RNF2: variants seen among roughly 807,000 people sequenced by gnomAD.
The protein encoded by RNF2 is ring finger protein 2.
In RNF2, 6 loss-of-function variants were observed where a neutral mutation model predicts 37.2. That is an observed-to-expected ratio of 0.16 (90% CI 0.09 to 0.32). RNF2 has a LOEUF of 0.32. RNF2 is among the 10% of genes least tolerant of loss of function. The pLI is 1.00. For missense variants in RNF2, 251 were observed against 404.0 expected (o/e 0.62, Z 3.25); for synonymous variants, 133 against 132.7 (o/e 1.00, Z -0.02).
At chr1:185,051,786 A>G (rs1650278916) in intron 1 of RNF2, among the ~76,000 whole-genome samples, 1 of 150,548 alleles carries the variant, frequency 6.6e-6, no homozygotes, top group South Asian at 2.1e-4. Context: ...ACAACTGTAT[A>G]CAAAAATACA....
chr1:185,051,551 G>C (rs1650273227), intron 1 of RNF2, among the ~76,000 whole-genome samples: 1 of 152,134 alleles, frequency 6.6e-6, no homozygotes, highest in South Asian at 2.1e-4. Flanking sequence ...GTGAGAGTGA[G>C]ATCCATTGGT....
chr1:185,091,511 T>C, intron 2 of RNF2, 68 bp from the exon 3 acceptor site: 1 of 1,477,076 alleles, frequency 6.8e-7, no homozygotes, highest in Non-Finnish European at 9.3e-7. Flanking sequence ...TCCAGTACTT[T>C]TATATGTTTG....
intron 1 of RNF2, among the ~76,000 whole-genome samples, chr1:185,054,497 C>A (rs931761751): frequency 2.3e-4 from 35 of 152,152 alleles, no homozygotes; most frequent in African/African-American, 8.2e-4. Flanking sequence ...TCTCTGGCCC[C>A]TCCGGGCCGG....
At chr1:185,099,491 T>G (rs1224526967) in intron 5 of RNF2, among the ~76,000 whole-genome samples, 2 of 152,218 alleles carry the variant, frequency 1.3e-5, no homozygotes, top group African/African-American at 4.8e-5. Context: ...TTTTTTCCCC[T>G]TAGTACTTTG....
chr1:185,054,725 A>G (rs1277338356), intron 1 of RNF2, among the ~76,000 whole-genome samples: 1 of 152,112 alleles, frequency 6.6e-6, no homozygotes, highest in Non-Finnish European at 1.5e-5. Flanking sequence ...GTTTTAAGAC[A>G]GGGTCTCTTT....
At chr1:185,095,415 A>G (rs1413311190) in intron 4 of RNF2, among the ~76,000 whole-genome samples, 4 of 152,152 alleles carry the variant, frequency 2.6e-5, no homozygotes, top group Non-Finnish European at 5.9e-5. Flanking sequence ...CAAATAATCC[A>G]CATGGCACAC....
chr1:185,057,805 GAAA>G (rs111301848), intron 1 of RNF2, among the ~76,000 whole-genome samples: 3 of 136,576 alleles, frequency 2.2e-5, no homozygotes, highest in Admixed American at 7.3e-5. Flanking sequence ...CTCTAAAGGG[GAAA>G]AAAAAAAAAA....
intron 1 of RNF2, among the ~76,000 whole-genome samples, chr1:185,087,205 T>C (rs1651626413): frequency 6.6e-6 from 1 of 152,210 alleles, no homozygotes; most frequent in African/African-American, 2.4e-5. Context: ...GGCTGGGTAA[T>C]TTATAAGCAA....
intron 1 of RNF2, among the ~76,000 whole-genome samples, chr1:185,074,692 G>A (rs1462023411): frequency 6.6e-6 from 1 of 152,096 alleles, no homozygotes; most frequent in African/African-American, 2.4e-5. Flanking sequence ...AAAAAAAATG[G>A]TATGGTTGCA....
intron 1 of RNF2, among the ~76,000 whole-genome samples, chr1:185,059,886 C>T (rs777370027): frequency 6.6e-6 from 1 of 152,172 alleles, no homozygotes; most frequent in Admixed American, 6.5e-5. Context: ...CAACTTTTCT[C>T]TCTCATCTTT....
intron 1 of RNF2, among the ~76,000 whole-genome samples, chr1:185,070,638 CTTTTT>C (rs893631238): frequency 1.5e-5 from 2 of 129,704 alleles, no homozygotes; most frequent in Admixed American, 7.7e-5. Flanking sequence ...ATTTTCTTTT[CTTTTT>C]TTTTTTTTTT....
At chr1:185,077,743 G>T (rs1289674646) in intron 1 of RNF2, among the ~76,000 whole-genome samples, 1 of 127,112 alleles carries the variant, frequency 7.9e-6, no homozygotes, top group Non-Finnish European at 1.7e-5. Flanking sequence ...GTTGTTGTTT[G>T]ATTTCAGCTT....
rs138102798 is a variant in RNF2, at chr1:185,068,647, C to T, written c.-2-18905C>T. 2.0e-5 allele frequency among the ~76,000 whole-genome samples: 3 copies of T among 152,208 alleles called. No individual in the cohort carries two copies. The East Asian group carries it at 5.8e-4, about 29-fold the overall frequency. The stretch of plus-strand genomic sequence containing the variant: ...ATCCTGCCAGTACTTTTATTTTGGC[C>T]CAGTGATATTGAATTAGGACTTCTG... On this transcript the variant is annotated intron_variant, in intron 1 of 6. Transcript: ENST00000367510.
At chr1:185,080,420 G>A (rs1334332689) in intron 1 of RNF2, among the ~76,000 whole-genome samples, 3 of 152,172 alleles carry the variant, frequency 2.0e-5, no homozygotes, top group Non-Finnish European at 4.4e-5. Context: ...AAATGAAGAT[G>A]TATATTGATC....
intron 1 of RNF2, among the ~76,000 whole-genome samples, chr1:185,065,213 C>T (rs886231344): frequency 1.3e-5 from 2 of 152,020 alleles, no homozygotes; most frequent in Admixed American, 1.3e-4. Flanking sequence ...AGTCAGCACT[C>T]TAAAAATGCA....
intron 1 of RNF2, among the ~76,000 whole-genome samples, chr1:185,061,129 T>A (rs1195859619): frequency 1.3e-4 from 3 of 22,800 alleles, no homozygotes; most frequent in Admixed American, 8.9e-4. Flanking sequence ...TCTCTCTCTC[T>A]TTTTTTTTTT....
intron 2 of RNF2, among the ~76,000 whole-genome samples, chr1:185,089,603 C>A (rs1192955928): frequency 6.6e-6 from 1 of 151,954 alleles, no homozygotes; most frequent in Non-Finnish European, 1.5e-5. Flanking sequence ...ATATATGGCC[C>A]AGTAAGGGGA....
intron 1 of RNF2, among the ~76,000 whole-genome samples, chr1:185,076,949 C>T (rs1381447853): frequency 1.3e-5 from 2 of 151,968 alleles, no homozygotes; most frequent in Non-Finnish European, 2.9e-5. Flanking sequence ...AATTTATATA[C>T]ATATGTGTAC....
At chr1:185,080,823 A>G (rs185934668) in intron 1 of RNF2, among the ~76,000 whole-genome samples, 128 of 152,338 alleles carry the variant, frequency 8.4e-4, no homozygotes, top group African/African-American at 2.9e-3. Flanking sequence ...ATATCTCTAG[A>G]AATATAATAC....
Sources: gnomAD v4.1 joint callset for allele counts (sites outside exome capture counted in the v4.1 genomes callset) on GRCh38, gnomAD v4.1.1 for gene constraint, MANE v1.5 for transcripts, NCBI Gene and HGNC (gene_info 2026-07-23, HGNC 2026-07-21) for gene names.